Variants in ITCH observed in about 807,000 individuals in gnomAD.
ITCH encodes itchy E3 ubiquitin protein ligase.
ITCH carries 28 observed loss-of-function variants against 126.8 expected under a neutral mutation model. That is an observed-to-expected ratio of 0.22 (90% CI 0.16 to 0.30). The LOEUF (loss-of-function observed/expected upper bound fraction) is 0.30, where lower values mean the gene tolerates loss of function less well. Among genes scored for constraint, ITCH ranks in the 10% least tolerant of loss-of-function variants. The pLI, the probability that ITCH is intolerant of heterozygous loss-of-function variation, is 1.00. For synonymous variants in ITCH, 342 were observed against 340.0 expected, an observed-to-expected ratio of 1.01 and a Z score of -0.06; for missense variants, 631 against 1,032.4, an observed-to-expected ratio of 0.61 and a Z score of 5.33.
chr20:34,422,530 T>C (rs942385395), intron 6 of ITCH, among the ~76,000 whole-genome samples: 1 of 151,936 alleles, frequency 6.6e-6, no homozygotes, highest in African/African-American at 2.4e-5. Flanking sequence ...ATTCTTAAAC[T>C]GAAATTTACC....
At chr20:34,417,647 G>C (rs1980108446) in intron 6 of ITCH, among the ~76,000 whole-genome samples, 1 of 148,866 alleles carries the variant, frequency 6.7e-6, no homozygotes, top group African/African-American at 2.5e-5. Context: ...TGATCCGCCT[G>C]CCTAGGCCTC....
intron 14 of ITCH, among the ~76,000 whole-genome samples, chr20:34,467,677 CA>C (rs1987201183): frequency 2.3e-5 from 3 of 130,678 alleles, no homozygotes; most frequent in African/African-American, 5.5e-5. Flanking sequence ...TTTTCTTTTT[CA>C]TTTTTTTTTT....
At chr20:34,475,017 G>C (rs1481085667) in intron 16 of ITCH, among the ~76,000 whole-genome samples, 1 of 151,548 alleles carries the variant, frequency 6.6e-6, no homozygotes, top group Non-Finnish European at 1.5e-5. Context: ...CATCCCAGAC[G>C]GGGCGGCGGG....
chr20:34,418,554 T>C (rs530399963), intron 6 of ITCH, among the ~76,000 whole-genome samples: 1 of 152,220 alleles, frequency 6.6e-6, no homozygotes, highest in African/African-American at 2.4e-5. Context: ...CCTAAATTTT[T>C]TGCTTTACCA....
chr20:34,403,523 T>C (rs2038955194), intron 3 of ITCH, among the ~76,000 whole-genome samples: 1 of 152,110 alleles, frequency 6.6e-6, no homozygotes, highest in South Asian at 2.1e-4. Context: ...TAATAACAAT[T>C]TGGTTCAACA....
In ITCH at chr20:34,451,289, C is replaced by CAAA. The variant is rs1234630566; in HGVS notation, c.1210+1824_1210+1826dup. On this transcript the variant is annotated intron_variant, in intron 12 of 24. Transcript: ENST00000374864. ...TAGGCGACAGAGCGAGACTCCGTCT[C>CAAA]AAAAAAAAAAAAAAAAAGAAATTAG... is the stretch of plus-strand genomic sequence containing the variant. Among the ~76,000 whole-genome samples the CAAA allele has an allele frequency of 9.8e-5, 7 of 71,216 alleles. No homozygotes were observed. In the South Asian group the frequency reaches 2.1e-3, roughly 22 times the overall value. 46.7% of individuals were successfully genotyped at this position (71,216 alleles called of 152,430 possible).
At chr20:34,420,308 G>A (rs1156879608) in intron 6 of ITCH, among the ~76,000 whole-genome samples, 2 of 152,092 alleles carry the variant, frequency 1.3e-5, no homozygotes, top group Non-Finnish European at 2.9e-5. Flanking sequence ...GCCTATTCAG[G>A]ATATATCACA....
intron 10 of ITCH, among the ~76,000 whole-genome samples, chr20:34,444,910 A>G (rs905304730): frequency 2.0e-5 from 3 of 152,216 alleles, no homozygotes; most frequent in African/African-American, 4.8e-5. Context: ...CCAAAGTGCT[A>G]GGATCACAGG....
At chr20:34,369,689 T>C (rs2037546324) in intron 2 of ITCH, 7 of 379,536 alleles carry the variant, frequency 1.8e-5, no homozygotes, top group Non-Finnish European at 3.3e-5. Context: ...CTGACTTTTC[T>C]GTTTTTGTAG....
intron 24 of ITCH, among the ~76,000 whole-genome samples, chr20:34,506,578 T>C (rs549062696): frequency 2.0e-4 from 31 of 152,288 alleles, no homozygotes; most frequent in African/African-American, 6.3e-4. Flanking sequence ...GGGATCTAGA[T>C]TGTGCATTCC....
intron 6 of ITCH, among the ~76,000 whole-genome samples, chr20:34,415,689 C>G (rs1568915413): frequency 1.3e-5 from 2 of 152,080 alleles, no homozygotes; most frequent in Admixed American, 6.6e-5. Flanking sequence ...CACAAGAACT[C>G]TATAATAGTC....
At chr20:34,373,753 G>C (rs773713765) in intron 2 of ITCH, among the ~76,000 whole-genome samples, 2 of 152,044 alleles carry the variant, frequency 1.3e-5, no homozygotes, top group Non-Finnish European at 2.9e-5. Flanking sequence ...TCACTTACAG[G>C]TTAAGAATTC....
At chr20:34,426,345 A>G (rs1353537356) in intron 7 of ITCH, among the ~76,000 whole-genome samples, 2 of 152,220 alleles carry the variant, frequency 1.3e-5, no homozygotes, top group African/African-American at 4.8e-5. Flanking sequence ...AAGAAAGTAG[A>G]ACAAAATACT....
rs542252401 is a variant in ITCH at position 34,500,922 on chromosome 20, G to A, written c.2417-3409G>A. ...ACTTCCAGATGTGGGAGTCCGTTGA[G>A]CATTTTTCATAAGGTGATGAATTCC... On this transcript the variant is annotated intron_variant, in intron 23 of 24. Coordinates refer to ENST00000374864, the MANE Select transcript of ITCH (RefSeq NM_031483.7). 3.3e-5 allele frequency among the ~76,000 whole-genome samples: 5 copies of A among 152,312 alleles called. No homozygotes were observed. The South Asian group carries it at 1.0e-3, about 32-fold the overall frequency.
In ITCH at chr20:34,470,881, G is replaced by A. The variant is rs201927641; in HGVS notation, c.1498-563G>A. Among the ~76,000 whole-genome samples the A allele has an allele frequency of 1.1e-4, 16 of 152,214 alleles. No homozygotes were observed. The East Asian group carries it at 1.9e-3, about 18-fold the overall frequency. On this transcript the variant is annotated intron_variant, in intron 15 of 24. Transcript: ENST00000374864. ...ATTACAGGCATAAACCAGCATGCCC[G>A]GACACCAGCCATTTTTATATCTATC...
intron 16 of ITCH, among the ~76,000 whole-genome samples, chr20:34,475,694 AGGCAGGGGCAGGGGCAGG>A (rs1197240224): frequency 4.2e-5 from 6 of 142,360 alleles, no homozygotes; most frequent in South Asian, 2.5e-4. Context: ...GGAGAGGCAG[AGGCAGGGGCAGGGGCAGG>A]GGCAGGGGCA....
At chr20:34,419,644 A>C (rs1980478858) in intron 6 of ITCH, among the ~76,000 whole-genome samples, 1 of 152,090 alleles carries the variant, frequency 6.6e-6, no homozygotes, top group Non-Finnish European at 1.5e-5. Flanking sequence ...ACACTCAGCT[A>C]ATTTTCAGTG....
intron 11 of ITCH, among the ~76,000 whole-genome samples, chr20:34,448,459 G>A (rs1357004458): frequency 2.0e-5 from 3 of 152,084 alleles, no homozygotes; most frequent in South Asian, 2.1e-4. Context: ...TAGTAGAGGT[G>A]AAATAATGTT....
chr20:34,495,267 AAAAT>A (rs71194612), intron 23 of ITCH, among the ~76,000 whole-genome samples: 12 of 140,758 alleles, frequency 8.5e-5, no homozygotes, highest in Non-Finnish European at 1.2e-4. Flanking sequence ...CTCCAACTCA[AAAAT>A]AAATAAATAA....
Sources: allele counts gnomAD v4.1 joint callset (sites outside exome capture counted in the v4.1 genomes callset), GRCh38; gene constraint gnomAD v4.1.1; transcripts MANE v1.5; gene names NCBI Gene and HGNC (gene_info 2026-07-23, HGNC 2026-07-21).